Variants in BAG3 observed in about 807,000 individuals in gnomAD.
The protein encoded by BAG3 is BAG family molecular chaperone regulator 3.
Under a neutral mutation model 40.5 loss-of-function variants are expected in BAG3, and 14 were observed. The ratio of observed to expected loss-of-function variants is 0.35; its 90% CI spans 0.23 to 0.54. BAG3 has a LOEUF of 0.54. BAG3 is among the 20% of genes least tolerant of loss of function. BAG3 has a pLI of 0.91. For synonymous variants in BAG3, 302 were observed against 307.8 expected (o/e 0.98, Z 0.20); for missense variants, 788 against 758.6 (o/e 1.04, Z -0.46).
rs199573273 is a variant in BAG3, at chr10:119,662,449, GGCCTTA to G, written c.181-7398_181-7393del. Among the ~76,000 whole-genome samples the G allele has an allele frequency of 4.5e-3, 691 of 152,064 alleles. 6 individuals carry two copies. Among genetic ancestry groups the G allele is most frequent in the African/African-American group, 0.016 (651 of 41,462 alleles). ...AGCCAGGCCACTTAATTTTGATCCA[GGCCTTA>G]GCCATATGGGGAGTTCCAGGATTTC... On this transcript the variant is annotated intron_variant, in intron 1 of 3. Coordinates refer to ENST00000369085, the MANE Select transcript of BAG3 (RefSeq NM_004281.4).
chr10:119,666,274 C>T (rs1417366501), intron 1 of BAG3, among the ~76,000 whole-genome samples: 2 of 152,142 alleles, frequency 1.3e-5, no homozygotes, highest in Non-Finnish European at 2.9e-5. Context: ...TCCAGCCTGG[C>T]CCCTGGTCTC....
At chr10:119,673,253 G>C (rs1462032196) in intron 3 of BAG3, among the ~76,000 whole-genome samples, 2 of 152,164 alleles carry the variant, frequency 1.3e-5, no homozygotes, top group Non-Finnish European at 1.5e-5. Context: ...CTCCCAACTT[G>C]TATGAGTTCA....
rs770086669 is a variant in BAG3, at chr10:119,677,088, C to T, written c.1534C>T (p.Pro512Ser). 8.5e-5 allele frequency: 137 copies of T among 1,614,048 alleles called. 3 individuals are homozygous for T. The South Asian group carries it at 1.5e-3, about 17-fold the overall frequency. Residue 512 changes from proline to serine, a missense_variant, in exon 4 of 4, where the codon CCC becomes TCC. Transcript: ENST00000369085. ...PGQVQVYELQ[P>S]SNLEADQPLQ... ...TCAAGTCCAGGTCTATGAACTCCAG[C>T]CCAGCAACCTTGAAGCAGATCAGCC...
At chr10:119,663,603 C>T (rs373826626) in intron 1 of BAG3, among the ~76,000 whole-genome samples, 9 of 152,128 alleles carry the variant, frequency 5.9e-5, no homozygotes, top group South Asian at 4.1e-4. Flanking sequence ...CATGAACCAC[C>T]GGACCCGGGC....
intron 1 of BAG3, among the ~76,000 whole-genome samples, chr10:119,653,738 C>A (rs563516775): frequency 1.3e-5 from 2 of 152,122 alleles, no homozygotes; most frequent in East Asian, 3.9e-4. Flanking sequence ...TTTCTGAAAC[C>A]CAGAGAGTTC....
Position 119,672,739 on chromosome 10 carries a change from C to T in BAG3, c.909+83C>T, listed in dbSNP as rs1847170428. 1 of 1,576,848 alleles carries T rather than the reference C, an allele frequency of 6.3e-7. No individual in the cohort carries two copies. The highest frequency in any genetic ancestry group is 8.6e-7 in the Non-Finnish European group (1 of 1,160,796). On this transcript the variant is annotated intron_variant, in intron 3 of 3. Transcript: ENST00000369085. This position sits in a 1 kb window ranked among gnomAD's most constrained non-coding sequence, Gnocchi z 4.8. ...GAGCTCTGTGGGTGCCCTGGGTTCC[C>T]CCTTCATCCCTGCCTATTTAACATG... is the stretch of plus-strand genomic sequence containing the variant.
chr10:119,655,749 A>G (rs1589621788), intron 1 of BAG3, among the ~76,000 whole-genome samples: 1 of 152,156 alleles, frequency 6.6e-6, no homozygotes. Flanking sequence ...CAGCTCATCC[A>G]GGACTTTCAT....
Position 119,670,193 on chromosome 10 carries a change from G to A in BAG3, c.507+16G>A, listed in dbSNP as rs376346659. 1.3e-6 allele frequency: 2 copies of A among 1,594,678 alleles called. No individual in the cohort carries two copies. The highest frequency in any genetic ancestry group is 1.3e-5 in the African/African-American group (1 of 74,734). ...CGGACCTGAGGTAAGGAGAGGCCAG[G>A]CTCACCAGCCTGCTGGGGAGCAAGC... On this transcript the variant is annotated intron_variant, in intron 2 of 3. Transcript: ENST00000369085.
chr10:119,656,765 ATTT>A (rs1333035788), intron 1 of BAG3: 1 of 151,836 alleles, frequency 6.6e-6, no homozygotes, highest in Non-Finnish European at 1.5e-5. Context: ...TGAATGTAGT[ATTT>A]TTCTGTCTGT....
rs185537639 is a variant in BAG3, at chr10:119,677,227, C to T, written c.1673C>T (p.Ala558Val). 33 of 1,614,112 alleles carry T rather than the reference C, an allele frequency of 2.0e-5. No individual in the cohort carries two copies. The East Asian group carries it at 5.1e-4, about 25-fold the overall frequency. The change falls in exon 4 of 4, where the codon GCG becomes GTG. Residue 558 changes from alanine (A) to valine (V), a missense_variant. Ala to Val is a moderately conservative substitution (Grantham distance 64). Coordinates refer to ENST00000369085, the MANE Select transcript of BAG3 (RefSeq NM_004281.4). The part of the protein sequence containing the change: ...ETQQPEATAA[A>V]TSNPSSMTDT... ...CAGCAGCCAGAAGCCACAGCAGCAG[C>T]GACTTCAAACCCCAGCAGCATGACA... is the stretch of plus-strand genomic sequence containing the variant.
intron 3 of BAG3, among the ~76,000 whole-genome samples, chr10:119,675,041 T>C (rs1847200801): frequency 6.7e-6 from 1 of 149,710 alleles, no homozygotes; most frequent in Non-Finnish European, 1.5e-5. Flanking sequence ...CATTAAAAAA[T>C]ATATGGCTTA....
In BAG3 at chr10:119,676,641, G is replaced by A. The variant is rs900834561; in HGVS notation, c.1087G>A (p.Glu363Lys). 2 of 1,614,186 alleles carry A rather than the reference G, an allele frequency of 1.2e-6. No individual in the cohort carries two copies. The highest frequency in any genetic ancestry group is 1.7e-6 in the Non-Finnish European group (2 of 1,180,030). The change falls in exon 4 of 4, where the codon GAG (glutamate) becomes AAG (lysine). Residue 363 changes from glutamate (E) to lysine (K), a missense_variant. Coordinates refer to ENST00000369085, the MANE Select transcript of BAG3 (RefSeq NM_004281.4). ...QKPPPPSEKV[E>K]VKVPPAPVPC... ...GCCCCCACCTCCCTCTGAGAAGGTAGAGGTGAAAGTTCCCCCTGCTCCAGT... is the reference window on the plus strand; with the variant it reads ...GCCCCCACCTCCCTCTGAGAAGGTAAAGGTGAAAGTTCCCCCTGCTCCAGT...
chr10:119,657,541 AC>A (rs1846929704), intron 1 of BAG3: 1 of 471,056 alleles, frequency 2.1e-6, no homozygotes, highest in Non-Finnish European at 4.4e-6. Context: ...GAAGGCAGAT[AC>A]AGAAGAGCTG....
intron 1 of BAG3, among the ~76,000 whole-genome samples, chr10:119,667,400 A>T (rs971611792): frequency 5.3e-5 from 8 of 152,192 alleles, no homozygotes; most frequent in Admixed American, 5.2e-4. Context: ...TGCCCTTATA[A>T]AACCTCACAA....
At chr10:119,664,793 A>C (rs1251334260) in intron 1 of BAG3, among the ~76,000 whole-genome samples, 1 of 152,238 alleles carries the variant, frequency 6.6e-6, no homozygotes, top group East Asian at 1.9e-4. Flanking sequence ...TTCTAGAATT[A>C]TAAATATTAC....
rs779686349 is a variant in BAG3 at position 119,669,934 on chromosome 10, G to C, written c.264G>C (p.Gln88His). 1.9e-6 allele frequency: 3 copies of C among 1,614,226 alleles called. No homozygotes were observed. Among genetic ancestry groups the C allele is most frequent in the Non-Finnish European group, 2.5e-6 (3 of 1,180,040 alleles). Residue 88 changes from glutamine to histidine, a missense_variant, in exon 2 of 4, where the codon CAG becomes CAC. Physicochemically the swap from Gln to His is conservative, Grantham distance 24 (BLOSUM62 0). Transcript: ENST00000369085. Reference sequence around the variant, plus strand: ...GGGAAGGCCACCCTGTGTACCCCCAGCTCCGACCAGGCTACATTCCCATTC... The same window carrying C: ...GGGAAGGCCACCCTGTGTACCCCCACCTCCGACCAGGCTACATTCCCATTC... The part of the protein sequence containing the change: ...PAREGHPVYP[Q>H]LRPGYIPIPV...
chr10:119,674,336 C>T (rs534038049), intron 3 of BAG3, among the ~76,000 whole-genome samples: 1 of 152,252 alleles, frequency 6.6e-6, no homozygotes, highest in East Asian at 1.9e-4. Context: ...CTACATCGAT[C>T]CATACTTGGG....
intron 1 of BAG3, among the ~76,000 whole-genome samples, chr10:119,654,094 C>A (rs1846879478): frequency 6.6e-6 from 1 of 152,228 alleles, no homozygotes; most frequent in Non-Finnish European, 1.5e-5. Context: ...TGCTTCATTG[C>A]TTTCAATCCT....
chr10:119,670,242 C>T (rs1291480597), intron 2 of BAG3, 65 bp downstream of exon 2: 2 of 1,532,652 alleles, frequency 1.3e-6, no homozygotes, highest in East Asian at 4.6e-5. Context: ...AGGCCGGGCC[C>T]ATCCCCTCAG....
Sources: allele counts gnomAD v4.1 joint callset (sites outside exome capture counted in the v4.1 genomes callset), GRCh38; gene constraint gnomAD v4.1.1; non-coding constraint Gnocchi (gnomAD v3.1); transcripts MANE v1.5; gene names NCBI Gene and HGNC (gene_info 2026-07-23, HGNC 2026-07-21).